Variants in PLS3 observed in about 807,000 individuals in gnomAD.
PLS3 encodes plastin 3, also known as plastin-3.
PLS3 carries 11 observed loss-of-function variants against 46.5 expected under a neutral mutation model. The ratio of observed to expected loss-of-function variants is 0.24; its 90% confidence interval spans 0.15 to 0.39. PLS3 has a LOEUF of 0.39. Ranked by LOEUF, PLS3 falls within the 10% of genes least tolerant of loss-of-function variation. PLS3 has a pLI of 1.00. For missense variants in PLS3, 308 were observed against 461.8 expected (o/e 0.67, Z 3.05); for synonymous variants, 167 against 162.2 (o/e 1.03, Z -0.22).
At chrX:115,623,316 A>G (rs2074675271) in intron 3 of PLS3, among the ~76,000 whole-genome samples, 1 of 111,071 alleles carries the variant, frequency 9.0e-6, no homozygotes, top group South Asian at 3.8e-4. Context: ...GTTAGGGAGA[A>G]CTTGTCAGCT....
chrX:115,592,948 G>C (rs190177010), intron 1 of PLS3, among the ~76,000 whole-genome samples: 21 of 111,298 alleles, frequency 1.9e-4, no homozygotes, highest in African/African-American at 6.8e-4. Context: ...GAGATATTTC[G>C]GTTCAGCAAG....
intron 12 of PLS3, 80 bp downstream of exon 12, chrX:115,646,266 C>T (rs2074950568): frequency 5.1e-5 from 45 of 878,676 alleles, no homozygotes; most frequent in South Asian, 2.6e-4. Flanking sequence ...AAACTCTTGA[C>T]GCTGAGCTTC....
At chrX:115,577,726 C>T (rs1485062367) in intron 1 of PLS3, among the ~76,000 whole-genome samples, 1 of 111,284 alleles carries the variant, frequency 9.0e-6, no homozygotes, top group African/African-American at 3.3e-5. Flanking sequence ...GATCCTCCCG[C>T]CTCGGCCTCT....
At chrX:115,565,964 T>A (rs1295312653) in intron 1 of PLS3, among the ~76,000 whole-genome samples, 1 of 112,300 alleles carries the variant, frequency 8.9e-6, no homozygotes, top group East Asian at 2.8e-4. Flanking sequence ...TCCTTTGCAG[T>A]CTGGACAGAT....
In PLS3 at chrX:115,647,561, A is replaced by G. The variant is rs1556641925; in HGVS notation, c.1523A>G (p.Asn508Ser). 1.7e-6 allele frequency: 2 copies of G among 1,203,614 alleles called. No homozygotes were observed. The highest frequency in any genetic ancestry group is 3.5e-5 in the African/African-American group (2 of 57,319). The change falls in exon 14 of 16, where the codon AAT (asparagine) becomes AGT (serine). Residue 508 changes from asparagine to serine, a missense_variant. Asn to Ser is a conservative substitution (Grantham distance 46). Around this residue, in one of 2 missense-constraint regions of PLS3, gnomAD observed 271 missense variants for 435.7 expected, o/e 0.62. Transcript: ENST00000355899. The part of the protein sequence containing the change: ...VWQLMRRYTL[N>S]VLEDLGDGQK... ...GCTGCCTCTCTTAGATATACCCTCAATGTCCTGGAAGATCTTGGAGATGGT... is the reference window on the plus strand; with the variant it reads ...GCTGCCTCTCTTAGATATACCCTCAGTGTCCTGGAAGATCTTGGAGATGGT...
chrX:115,647,680 A>G lies in PLS3; in HGVS notation c.1635+7A>G. 8.3e-7 allele frequency: 1 copy of G among 1,199,057 alleles called. No homozygotes were observed. The highest frequency in any genetic ancestry group is 1.1e-6 in the Non-Finnish European group (1 of 885,019). ...TTCCATTCAGAGTTTTAAGGTCAGA[A>G]TCCATATTTGACTATTAAATATTAT... On this transcript the variant is annotated splice_region_variant and intron_variant, in intron 14 of 15. Coordinates refer to ENST00000355899, the MANE Select transcript of PLS3 (RefSeq NM_005032.7).
At chrX:115,626,043 A>T (rs1415689325) in intron 3 of PLS3, among the ~76,000 whole-genome samples, 5 of 112,101 alleles carry the variant, frequency 4.5e-5, no homozygotes, top group African/African-American at 1.6e-4. Flanking sequence ...AGCACAAAAC[A>T]GTGAGCTCAT....
At chrX:115,597,716 C>T (rs1556634045) in intron 1 of PLS3, among the ~76,000 whole-genome samples, 1 of 111,605 alleles carries the variant, frequency 9.0e-6, no homozygotes, top group Non-Finnish European at 1.9e-5. Context: ...ATTGTAGAAG[C>T]ACAGTTGCTA....
At chrX:115,620,745 C>T (rs1295719281) in intron 2 of PLS3, among the ~76,000 whole-genome samples, 3 of 68,619 alleles carry the variant, frequency 4.4e-5, no homozygotes, top group Non-Finnish European at 7.4e-5. Flanking sequence ...TGGAGTCTTG[C>T]TCTGTCACCC....
At chrX:115,576,301 G>T (rs899743482) in intron 1 of PLS3, among the ~76,000 whole-genome samples, 2 of 111,984 alleles carry the variant, frequency 1.8e-5, no homozygotes, top group Non-Finnish European at 3.8e-5. Context: ...GGAAATGACG[G>T]CTCATGCCTG....
Position 115,646,579 on chromosome X carries a change from G to A in PLS3, c.1511+44G>A, listed in dbSNP as rs782484063. ...GCTGTTTAGTCTTTACTATCATACA[G>A]GTCTGTGATTTAGTCCTTACTGTGT... is the stretch of plus-strand genomic sequence containing the variant. On this transcript the variant is annotated intron_variant, in intron 13 of 15. Coordinates refer to ENST00000355899, the MANE Select transcript of PLS3 (RefSeq NM_005032.7). 13 of 1,123,414 alleles carry A rather than the reference G, an allele frequency of 1.2e-5. No homozygotes were observed. The Admixed American group carries it at 1.9e-4, about 16-fold the overall frequency. The allele number at this position is 1,123,414 out of a possible 1,213,427, so 92.6% of individuals were successfully genotyped here.
chrX:115,629,752 T>C (rs2074745666), intron 4 of PLS3, 83 bp from the exon 5 acceptor site: 1 of 627,563 alleles, frequency 1.6e-6, no homozygotes, highest in Non-Finnish European at 2.5e-6. Context: ...TCAGCACTAC[T>C]GCACAACTAT....
intron 1 of PLS3, among the ~76,000 whole-genome samples, chrX:115,576,697 A>G (rs1401022355): frequency 8.9e-6 from 1 of 111,873 alleles, no homozygotes; most frequent in African/African-American, 3.3e-5. Context: ...TTTGGGATCC[A>G]GTCTCCTTAC....
intron 1 of PLS3, among the ~76,000 whole-genome samples, chrX:115,599,532 A>G (rs782400734): frequency 2.7e-4 from 28 of 104,817 alleles, no homozygotes; most frequent in Admixed American, 2.4e-3. Context: ...AAAAAAAAAA[A>G]AAAAGGAAAG....
At chrX:115,638,526 T>C (rs2074860916) in intron 8 of PLS3, among the ~76,000 whole-genome samples, 1 of 111,212 alleles carries the variant, frequency 9.0e-6, no homozygotes, top group Admixed American at 9.6e-5. Flanking sequence ...ATTACAGGCA[T>C]GAGCCATGGT....
In PLS3 at chrX:115,621,924, C is replaced by T. The variant is rs782183546; in HGVS notation, c.74-322C>T. 2.6e-4 allele frequency: 43 copies of T among 167,214 alleles called. 1 individual carries two copies. The highest frequency in any genetic ancestry group is 4.2e-4 in the Non-Finnish European group (38 of 91,444). 13.8% of individuals were successfully genotyped at this position (167,214 alleles called of 1,213,427 possible). On this transcript the variant is annotated intron_variant, in intron 2 of 15. Coordinates refer to ENST00000355899, the MANE Select transcript of PLS3 (RefSeq NM_005032.7). ...ACCATGGAAGTGTTTTGTAGGTTTA[C>T]GATCTATTAGTTCTTTTTTTAAAAT...
chrX:115,586,693 AAG>A (rs2074311771), intron 1 of PLS3, among the ~76,000 whole-genome samples: 1 of 90,623 alleles, frequency 1.1e-5, no homozygotes, highest in Admixed American at 1.2e-4. Flanking sequence ...AAAAAAAAAA[AAG>A]TTTCTAAACA....
At chrX:115,611,999 T>C (rs1201396817) in intron 2 of PLS3, among the ~76,000 whole-genome samples, 1 of 111,786 alleles carries the variant, frequency 8.9e-6, no homozygotes, top group South Asian at 3.7e-4. Flanking sequence ...CAGGCTCTTA[T>C]TACTATATAT....
At chrX:115,593,494 C>T (rs919866487) in intron 1 of PLS3, 2 of 111,172 alleles carry the variant, frequency 1.8e-5, no homozygotes, top group Non-Finnish European at 3.8e-5. Flanking sequence ...CTTTTTCTAG[C>T]AGGAAGTGTT....
Sources: allele counts gnomAD v4.1 joint callset (sites outside exome capture counted in the v4.1 genomes callset), GRCh38; gene constraint gnomAD v4.1.1; regional missense constraint gnomAD v4.1.1; transcripts MANE v1.5; gene names NCBI Gene and HGNC (gene_info 2026-07-23, HGNC 2026-07-21).